Variants in SGSH observed in about 807,000 individuals in gnomAD.
SGSH encodes N-sulfoglucosamine sulfohydrolase.
Under a neutral mutation model 51.0 loss-of-function variants are expected in SGSH, and 48 were observed. The observed-to-expected ratio is 0.94, with a 90% CI of 0.75 to 1.20. The LOEUF (loss-of-function observed/expected upper bound fraction) is 1.20, where lower values mean the gene tolerates loss of function less well. Among genes scored for constraint, SGSH ranks in the 50% most tolerant of loss-of-function variants. The probability of loss-of-function intolerance (pLI) is 0.00; values close to 1 mark genes in which losing one functional copy is unlikely to be tolerated. For synonymous variants in SGSH, 321 were observed against 313.4 expected (o/e 1.02, Z -0.26); for missense variants, 662 against 717.8 (o/e 0.92, Z 0.89).
intron 2 of SGSH, among the ~76,000 whole-genome samples, chr17:80,216,501 A>C (rs541503036): frequency 6.6e-6 from 1 of 152,348 alleles, no homozygotes; most frequent in Admixed American, 6.5e-5. Flanking sequence ...TGATGGCTGC[A>C]TAACACTGTG....
chr17:80,205,169 CTG>C (rs2041219956), downstream of SGSH: 2 of 1,613,648 alleles, frequency 1.2e-6, no homozygotes, highest in Non-Finnish European at 1.7e-6. Context: ...GAGCGAGAAA[CTG>C]TGCCTCCTCC....
At chr17:80,216,941 C>T in intron 2 of SGSH, 91 bp downstream of exon 2, 1 of 1,295,604 alleles carries the variant, frequency 7.7e-7, no homozygotes, top group Non-Finnish European at 1.1e-6. Context: ...CCCCCGGGAT[C>T]CCAGGGATGG....
chr17:80,205,180 C>T (rs1171320109), downstream of SGSH: 4 of 1,613,496 alleles, frequency 2.5e-6, no homozygotes, highest in Non-Finnish European at 3.4e-6. Context: ...TGTGCCTCCT[C>T]CAAGGGTTTA....
chr17:80,215,871 G>A (rs1175718153), intron 2 of SGSH, among the ~76,000 whole-genome samples: 1 of 152,176 alleles, frequency 6.6e-6, no homozygotes, highest in East Asian at 1.9e-4. Context: ...AACAGCCAAA[G>A]GGTAGCAGCA....
Position 80,215,818 on chromosome 17 carries a change from A to T in SGSH, c.250-680T>A, listed in dbSNP as rs575829599. On this transcript the variant is annotated intron_variant, in intron 2 of 7. Transcript: ENST00000326317. ...TGGGCAACAGAGTGAGACTAAAAGAACAAGTGTCCTTAAACACCCATGTTC... is the reference window on the plus strand; with the variant it reads ...TGGGCAACAGAGTGAGACTAAAAGATCAAGTGTCCTTAAACACCCATGTTC... Among the ~76,000 whole-genome samples, 4 of 152,136 alleles carry T rather than the reference A, an allele frequency of 2.6e-5. No individual in the cohort carries two copies. In the South Asian group the frequency reaches 8.3e-4, roughly 32 times the overall value.
downstream of SGSH, chr17:80,208,097 C>A: frequency 7.0e-7 from 1 of 1,433,774 alleles, no homozygotes; most frequent in Non-Finnish European, 9.4e-7. Context: ...TGGGCCCTTG[C>A]TCTCCCCTGA....
At position 80,210,235 on chromosome 17, in the gene SGSH, C is replaced by T. The variant is rs978443728; in HGVS notation, c.*217G>A. 17 of 1,424,306 alleles carry T rather than the reference C, an allele frequency of 1.2e-5. No individual in the cohort carries two copies. The African/African-American group carries it at 2.4e-4, about 20-fold the overall frequency. The allele number at this position is 1,424,306 out of a possible 1,614,324, so 88.2% of individuals were successfully genotyped here. ...GTCCCCTGCCATGACGGCAGTGCCC[C>T]TGGTGGTGGAGGGGCTGGGCACATG... On this transcript the variant is annotated 3_prime_UTR_variant, in exon 8 of 8. Transcript: ENST00000326317.
At chr17:80,216,993 C>T (rs1272344277) in intron 2 of SGSH, 39 bp downstream of exon 2, 1 of 1,519,802 alleles carries the variant, frequency 6.6e-7, no homozygotes, top group Admixed American at 2.0e-5. Context: ...AGCCTGTCTA[C>T]TCCCTGCCCA....
At chr17:80,215,227 G>A (rs2041846376) in intron 2 of SGSH, 89 bp from the exon 3 acceptor site, 8 of 945,772 alleles carry the variant, frequency 8.5e-6, no homozygotes, top group Non-Finnish European at 1.3e-5. Context: ...CCCATCCCCA[G>A]GGGCCTTCTC....
At chr17:80,205,377 C>T (rs546033294), downstream of SGSH, 20 of 1,189,440 alleles carry the variant, frequency 1.7e-5, no homozygotes, top group South Asian at 4.5e-5. Flanking sequence ...GGGCACAGAG[C>T]GGGGTGTGCA....
At chr17:80,211,894 C>G in intron 7 of SGSH, 177 bp downstream of exon 7, 1 of 656,370 alleles carries the variant, frequency 1.5e-6, no homozygotes, top group South Asian at 1.7e-5. Flanking sequence ...GAGCAGCTTA[C>G]TTCACCTCTC....
In SGSH at chr17:80,210,889, A is replaced by G; in HGVS notation, c.1072T>C (p.Trp358Arg). The change falls in exon 8 of 8, where the codon TGG becomes CGG. Residue 358 changes from tryptophan to arginine, a missense_variant. Transcript: ENST00000326317. ...CTCTGGCTGCCAAAGACGGTGGCCC[A>G]GAGGGGCTCGGCCTCCAGCGCCGGC... is the stretch of plus-strand genomic sequence containing the variant. ...LLPALEAEPLWATVFGSQSHH... is the reference protein window; with the variant it reads ...LLPALEAEPLRATVFGSQSHH... The G allele has an allele frequency of 6.2e-7, 1 of 1,612,622 alleles. No homozygotes were observed. The highest frequency in any genetic ancestry group is 1.1e-5 in the South Asian group (1 of 91,076).
At chr17:80,208,016 C>T, downstream of SGSH, 1 of 644,316 alleles carries the variant, frequency 1.6e-6, no homozygotes, top group Non-Finnish European at 2.5e-6. Context: ...TTTACAAGGT[C>T]CCCTCAAAGC....
intron 7 of SGSH, chr17:80,211,419 G>A (rs547896894): frequency 1.4e-4 from 45 of 314,502 alleles, no homozygotes; most frequent in Admixed American, 1.3e-3. Flanking sequence ...CTGCTGTCCC[G>A]GGCCCACCCC....
chr17:80,214,042 G>T (rs1327022921), intron 5 of SGSH, 130 bp downstream of exon 5: 18 of 1,380,070 alleles, frequency 1.3e-5, no homozygotes, highest in Non-Finnish European at 1.8e-5. Context: ...CCCGAGGTTG[G>T]GAACCTGAAT....
Position 80,209,328 on chromosome 17 carries a change from A to G in SGSH, c.*1124T>C. 2.0e-6 allele frequency: 2 copies of G among 985,406 alleles called. No homozygotes were observed. The highest frequency in any genetic ancestry group is 2.4e-6 in the Non-Finnish European group (2 of 829,908). 61.0% of individuals were successfully genotyped at this position (985,406 alleles called of 1,614,324 possible). A position where few individuals can be genotyped will look rare whatever the true frequency, so the allele number is the denominator to read the frequency against. On this transcript the variant is annotated 3_prime_UTR_variant, in exon 8 of 8. Coordinates refer to ENST00000326317, the MANE Select transcript of SGSH (RefSeq NM_000199.5). ...TTTTACTAAAATAAAAAGCTTTTAC[A>G]ATAGCTGGCCTGTGGCCTCCTCCAG...
At position 80,214,561 on chromosome 17, in the gene SGSH, G is replaced by A. The variant is rs2041812345; in HGVS notation, c.506+54C>T. On this transcript the variant is annotated intron_variant, in intron 4 of 7. Coordinates refer to ENST00000326317, the MANE Select transcript of SGSH (RefSeq NM_000199.5). The stretch of plus-strand genomic sequence containing the variant: ...CATGCATCCCGCCGGAAGACTCCGG[G>A]CTGTGCTCTGGTACCGGCCGCCAGG... 5.7e-6 allele frequency: 9 copies of A among 1,572,846 alleles called. No homozygotes were observed. The South Asian group carries it at 6.8e-5, about 12-fold the overall frequency.
chr17:80,215,101 T>C lies in SGSH; in HGVS notation c.287A>G (p.His96Arg). The change falls in exon 3 of 8, where the codon CAC (histidine) becomes CGC (arginine). Residue 96 changes from histidine (H) to arginine (R), a missense_variant. Physicochemically the swap from His to Arg is conservative, Grantham distance 29. Transcript: ENST00000326317. ...CACCTTGTCGAAGGAGTTGAAGTGG[T>C]GCACGTCCTGGTGCAGCCCGTACAT... ...NGMYGLHQDV[H>R]HFNSFDKVRS... is the part of the protein sequence containing the mutation. 1 of 1,612,334 alleles carries C rather than the reference T, an allele frequency of 6.2e-7. No homozygotes were observed. The highest frequency in any genetic ancestry group is 8.5e-7 in the Non-Finnish European group (1 of 1,179,948).
chr17:80,204,985 G>A (rs1322249607), downstream of SGSH: 14 of 1,470,366 alleles, frequency 9.5e-6, no homozygotes, highest in Admixed American at 2.2e-5. Context: ...GGGTAGGCTG[G>A]CTGGGGGCTG....
Sources: gnomAD v4.1 joint callset for allele counts (sites outside exome capture counted in the v4.1 genomes callset) on GRCh38, gnomAD v4.1.1 for gene constraint, MANE v1.5 for transcripts, NCBI Gene and HGNC (gene_info 2026-07-23, HGNC 2026-07-21) for gene names.